NOL7: variants seen among roughly 807,000 people sequenced by gnomAD.
The protein encoded by NOL7 is U3 small nucleolar RNA-associated protein NOL7.
NOL7 carries 36 observed loss-of-function variants against 38.4 expected under a neutral mutation model. That is an observed-to-expected ratio of 0.94 (90% CI 0.72 to 1.24). The LOEUF (loss-of-function observed/expected upper bound fraction) is 1.24. NOL7 is among the 50% of genes most tolerant of loss of function. NOL7 has a pLI of 0.00. For missense variants in NOL7, 350 were observed against 315.1 expected, an observed-to-expected ratio of 1.11 and a Z score of -0.84; for synonymous variants, 142 against 126.5, an observed-to-expected ratio of 1.12 and a Z score of -0.82.
In NOL7 at chr6:13,617,813, C is replaced by T. The variant is rs371620475; in HGVS notation, c.418+12C>T. The T allele has an allele frequency of 6.2e-7, 1 of 1,609,734 alleles. No homozygotes were observed. Among genetic ancestry groups the T allele is most frequent in the South Asian group, 1.1e-5 (1 of 90,980 alleles). On this transcript the variant is annotated intron_variant, in intron 4 of 7. Transcript: ENST00000451315. ...AAAGGTGAAAGAAGGTATGACTATT[C>T]TAATTTAACTAACTTCTCATGTAAG...
In NOL7 at chr6:13,620,188, CCTTTTAT is replaced by C. The variant is rs1764403100; in HGVS notation, c.501-19_501-13del. 6.3e-7 allele frequency: 1 copy of C among 1,591,070 alleles called. No homozygotes were observed. ...GTAAGCATGTGTAATTCTTATTTAA[CCTTTTAT>C]ATTGATCAACAGCCAGAATAAAAGC... On this transcript the variant is annotated splice_polypyrimidine_tract_variant and intron_variant, in intron 5 of 7. Transcript: ENST00000451315.
At chr6:13,620,565 T>A in intron 7 of NOL7, 80 bp downstream of exon 7, 1 of 1,396,144 alleles carries the variant, frequency 7.2e-7, no homozygotes, top group Non-Finnish European at 1.0e-6. Flanking sequence ...AGTTCATAAT[T>A]ATACTTTTCC....
rs376063700 is a variant in NOL7 at position 13,620,250 on chromosome 6, T to C, written c.543T>C (p.Asp181=). Residue 181 remains aspartate (D), a synonymous_variant, in exon 6 of 8, where the codon GAT becomes GAC. Coordinates refer to ENST00000451315, the MANE Select transcript of NOL7 (RefSeq NM_016167.5). ...TGGCCGTAAGGCTAAAAGACCAAGATCTGAGAGATTCAAGGCAACAAGCAG... is the reference window on the plus strand; with the variant it reads ...TGGCCGTAAGGCTAAAAGACCAAGACCTGAGAGATTCAAGGCAACAAGCAG... ...SYLAVRLKDQ[D]LRDSRQQAAQ... 2.5e-6 allele frequency: 4 copies of C among 1,614,040 alleles called. No homozygotes were observed. In the African/African-American group the frequency reaches 5.3e-5, roughly 22 times the overall value.
chr6:13,628,122 TA>T (rs1378695476), intron 8 of NOL7, among the ~76,000 whole-genome samples: 460 of 152,334 alleles, frequency 3.0e-3, no homozygotes, highest in African/African-American at 0.01. Flanking sequence ...AATAATCATC[TA>T]AAGTTGTTAT....
chr6:13,618,781 C>T lies in NOL7; in HGVS notation c.500+642C>T, dbSNP rs12110966. On this transcript the variant is annotated intron_variant, in intron 5 of 7. Coordinates refer to ENST00000451315, the MANE Select transcript of NOL7 (RefSeq NM_016167.5). ...TGGTGTGCACCTGTATTCCCAGCTA[C>T]TCCAGAGGCCAAGGTGGGAGGATCA... Among the ~76,000 whole-genome samples the T allele has an allele frequency of 6.5e-3, 994 of 152,238 alleles. 7 individuals are homozygous for T. Among genetic ancestry groups the T allele is most frequent in the African/African-American group, 0.022 (930 of 41,538 alleles).
At position 13,620,822 on chromosome 6, in the gene NOL7, A is replaced by T; in HGVS notation, c.769A>T (p.Lys257Ter). 1 of 1,583,740 alleles carries T rather than the reference A, an allele frequency of 6.3e-7. No homozygotes were observed. Among genetic ancestry groups the T allele is most frequent in the Non-Finnish European group, 8.6e-7 (1 of 1,160,574 alleles). ...GATGGTCAGAAAGATGAAAACTAAG[A>T]AGTAAATCAATGCTAAATGAAGAAT... ...RWMVRKMKTKK is the reference protein window; with the variant it reads ...RWMVRKMKTK The change falls in exon 8 of 8, where the codon AAG (lysine) becomes TAG (stop). Residue 257 changes from lysine to a stop codon, truncating the protein, a stop_gained. Coordinates refer to ENST00000451315, the MANE Select transcript of NOL7 (RefSeq NM_016167.5). LOFTEE classifies it high-confidence loss of function.
chr6:13,619,971 A>G (rs1764395675), intron 5 of NOL7, among the ~76,000 whole-genome samples: 1 of 152,198 alleles, frequency 6.6e-6, no homozygotes, highest in Non-Finnish European at 1.5e-5. Flanking sequence ...CCTGGCCAAC[A>G]TGGTGAAACC....
intron 8 of NOL7, among the ~76,000 whole-genome samples, chr6:13,629,915 C>CGTGTGTG (rs1465606638): frequency 3.2e-5 from 4 of 126,228 alleles, no homozygotes; most frequent in African/African-American, 1.2e-4. Flanking sequence ...CTCTCTCTCT[C>CGTGTGTG]TCTCTCGTGT....
At chr6:13,629,257 T>G (rs1360324372) in intron 8 of NOL7, among the ~76,000 whole-genome samples, 2 of 152,176 alleles carry the variant, frequency 1.3e-5, no homozygotes, top group African/African-American at 4.8e-5. Flanking sequence ...ATTACAGATG[T>G]GGGCCACCAC....
Position 13,621,446 on chromosome 6 carries a change from T to TAATC in NOL7, c.*621_*624dup, listed in dbSNP as rs1012322246. The TAATC allele has an allele frequency of 2.0e-5, 3 of 152,670 alleles. No homozygotes were observed. The highest frequency in any genetic ancestry group is 7.2e-5 in the African/African-American group (3 of 41,456). 9.5% of individuals were successfully genotyped at this position (152,670 alleles called of 1,614,324 possible). A position where few individuals can be genotyped will look rare whatever the true frequency, so the allele number is the denominator to read the frequency against. On this transcript the variant is annotated 3_prime_UTR_variant, in exon 8 of 8. Transcript: ENST00000451315. ...ATTTTAATTGCTCTAATTTTCATAGTAATCATAAAAAGTATGCAAGTACCT... is the reference window on the plus strand; with the variant it reads ...ATTTTAATTGCTCTAATTTTCATAGTAATCAATCATAAAAAGTATGCAAGTACCT...
intron 5 of NOL7, among the ~76,000 whole-genome samples, chr6:13,619,566 C>T (rs1464838332): frequency 2.0e-5 from 3 of 152,204 alleles, no homozygotes; most frequent in East Asian, 3.8e-4. Context: ...TTGGCACAAT[C>T]GATTTGGAAA....
At chr6:13,615,647 G>T (rs1162114080) in intron 1 of NOL7, 23 bp downstream of exon 1, 6 of 1,611,466 alleles carry the variant, frequency 3.7e-6, no homozygotes, top group Non-Finnish European at 1.7e-6. Context: ...CTGCCCGGCG[G>T]GGAGAACCGC....
At chr6:13,618,242 TA>T (rs532869991) in intron 5 of NOL7, 103 bp downstream of exon 5, 13 of 355,342 alleles carry the variant, frequency 3.7e-5, no homozygotes, top group African/African-American at 2.4e-4. Flanking sequence ...ATTTTATTTT[TA>T]TTTTTTTATT....
downstream of NOL7, chr6:13,625,676 G>T: frequency 6.2e-7 from 1 of 1,611,130 alleles, no homozygotes; most frequent in Non-Finnish European, 8.5e-7. Flanking sequence ...GTTAAGAGCT[G>T]AGCACACAGG....
chr6:13,616,352 C>A, intron 2 of NOL7, 111 bp from the exon 3 acceptor site: 1 of 680,590 alleles, frequency 1.5e-6, no homozygotes, highest in East Asian at 2.7e-5. Context: ...CAGCCTAATT[C>A]ATTTCTTTGC....
downstream of NOL7, among the ~76,000 whole-genome samples, chr6:13,623,385 G>C (rs889891233): frequency 4.6e-5 from 7 of 152,146 alleles, no homozygotes; most frequent in Non-Finnish European, 1.0e-4. Context: ...TTGGTTCAGA[G>C]GATGCAATTT....
chr6:13,615,905 A>C, intron 2 of NOL7, 133 bp downstream of exon 2: 1 of 952,504 alleles, frequency 1.0e-6, no homozygotes, highest in South Asian at 1.7e-5. Context: ...ACAGTGGTGG[A>C]AAGATGCTCG....
rs1764413267 is a variant in NOL7 at position 13,620,499 on chromosome 6, TTATTCTCCTGTCTCTAA to T, written c.700+17_700+33del. The T allele has an allele frequency of 6.2e-7, 1 of 1,607,264 alleles. No homozygotes were observed. The highest frequency in any genetic ancestry group is 8.5e-7 in the Non-Finnish European group (1 of 1,174,266). On this transcript the variant is annotated intron_variant, in intron 7 of 7. Transcript: ENST00000451315. Reference sequence around the variant, plus strand: ...ATAATGCTTGGGGTAAGATCCAGCTTTATTCTCCTGTCTCTAATAGCTTTATATGTTGAATAATGTTC... The same window carrying T: ...ATAATGCTTGGGGTAAGATCCAGCTTTAGCTTTATATGTTGAATAATGTTC...
At position 13,620,535 on chromosome 6, in the gene NOL7, A is replaced by G. The variant is rs1179592683; in HGVS notation, c.700+50A>G. ...TCTCTAATAGCTTTATATGTTGAAT[A>G]ATGTTCTTTTGAAGGAGATAGTTCA... On this transcript the variant is annotated intron_variant, in intron 7 of 7. Transcript: ENST00000451315. The G allele has an allele frequency of 5.3e-6, 8 of 1,520,388 alleles. No individual in the cohort carries two copies. The African/African-American group carries it at 5.5e-5, about 10-fold the overall frequency. 94.2% of individuals were successfully genotyped at this position (1,520,388 alleles called of 1,614,324 possible). A position where few individuals can be genotyped will look rare whatever the true frequency, so the allele number is the denominator to read the frequency against.
Sources: allele counts gnomAD v4.1 joint callset (sites outside exome capture counted in the v4.1 genomes callset), GRCh38; gene constraint gnomAD v4.1.1; transcripts MANE v1.5; gene names NCBI Gene and HGNC (gene_info 2026-07-23, HGNC 2026-07-21).